Variants in RYR3 observed in about 807,000 individuals in gnomAD.
The protein encoded by RYR3 is brain ryanodine receptor-calcium release channel.
In RYR3, 207 loss-of-function variants were observed where a neutral mutation model predicts 584.3. The ratio of observed to expected loss-of-function variants is 0.35; its 90% confidence interval spans 0.32 to 0.40. RYR3 has a LOEUF of 0.40. RYR3 is among the 10% of genes least tolerant of loss of function. The pLI, the probability that RYR3 is intolerant of heterozygous loss-of-function variation, is 1.00. For missense variants in RYR3, 5,616 were observed against 6,089.2 expected (o/e 0.92, Z 2.59); for synonymous variants, 2,416 against 2,248.5 (o/e 1.07, Z -2.11).
Position 33,751,341 on chromosome 15 carries a change from G to A in RYR3, c.8399+1055G>A, listed in dbSNP as rs146442428. ...TTCCACAATGGTTGAACTAATTTAC[G>A]CTCCCACCAACAGTGTAAAAGTATT... On this transcript the variant is annotated intron_variant, in intron 57 of 103. Coordinates refer to ENST00000634891, the MANE Select transcript of RYR3 (RefSeq NM_001036.6). Among the ~76,000 whole-genome samples the A allele has an allele frequency of 2.9e-3, 434 of 152,102 alleles. 4 individuals are homozygous for A. Among genetic ancestry groups the A allele is most frequent in the African/African-American group, 5.4e-3 (223 of 41,506 alleles).
intron 1 of RYR3, among the ~76,000 whole-genome samples, chr15:33,399,034 G>A (rs948520475): frequency 6.6e-6 from 1 of 152,138 alleles, no homozygotes; most frequent in East Asian, 1.9e-4. Context: ...ATTTATACAA[G>A]GGCCAGGATT....
intron 72 of RYR3, 87 bp downstream of exon 72, chr15:33,811,124 T>G: frequency 1.8e-6 from 2 of 1,087,866 alleles, no homozygotes; most frequent in Non-Finnish European, 2.8e-6. Context: ...TACTCATGCT[T>G]CTTATATGTG....
intron 2 of RYR3, among the ~76,000 whole-genome samples, chr15:33,486,559 A>G (rs76255402): frequency 0.021 from 3,260 of 152,288 alleles, 54 homozygotes; most frequent in Non-Finnish European, 0.027. Context: ...ACACAAAACC[A>G]TATATCAGTA....
At position 33,436,248 on chromosome 15, in the gene RYR3, G is replaced by A. The variant is rs2442465; in HGVS notation, c.52-37171G>A. On this transcript the variant is annotated intron_variant, in intron 1 of 103. Coordinates refer to ENST00000634891, the MANE Select transcript of RYR3 (RefSeq NM_001036.6). The stretch of plus-strand genomic sequence containing the variant: ...GATTTCCTTTTTTTTCAAATCTGAT[G>A]GAGTGAAATAGTGTCACACTGTGTC... 6.8e-3 allele frequency among the ~76,000 whole-genome samples: 1,034 copies of A among 152,052 alleles called. 18 individuals are homozygous for A. Among genetic ancestry groups the A allele is most frequent in the African/African-American group, 0.023 (967 of 41,458 alleles).
intron 1 of RYR3, among the ~76,000 whole-genome samples, chr15:33,369,044 G>A (rs558827664): frequency 4.8e-4 from 73 of 152,234 alleles, no homozygotes; most frequent in Non-Finnish European, 7.4e-4. Flanking sequence ...CTGCTCAATC[G>A]TGACATATAT....
chr15:33,726,043 G>A (rs965868813), intron 45 of RYR3, among the ~76,000 whole-genome samples: 1 of 143,002 alleles, frequency 7.0e-6, no homozygotes, highest in Non-Finnish European at 1.5e-5. Context: ...CAACACTTCT[G>A]TCGTGGCCAC....
Position 33,390,509 on chromosome 15 carries a change from G to A in RYR3, c.51+79413G>A, listed in dbSNP as rs1051687219. On this transcript the variant is annotated intron_variant, in intron 1 of 103. Coordinates refer to ENST00000634891, the MANE Select transcript of RYR3 (RefSeq NM_001036.6). The surrounding 1 kb of genome is among the most constrained non-coding windows in gnomAD (Gnocchi z 4.2). The stretch of plus-strand genomic sequence containing the variant: ...TGATGCTGAAAATAGGGGAAAGTTC[G>A]ACGCATTTGTTTTCACGACTTCTTC... Among the ~76,000 whole-genome samples, 16 of 152,096 alleles carry A rather than the reference G, an allele frequency of 1.1e-4. No homozygotes were observed. The highest frequency in any genetic ancestry group is 3.6e-4 in the African/African-American group (15 of 41,402).
intron 93 of RYR3, among the ~76,000 whole-genome samples, chr15:33,845,705 TG>T (rs2078682017): frequency 6.6e-6 from 1 of 152,214 alleles, no homozygotes; most frequent in Non-Finnish European, 1.5e-5. Context: ...TAAAGTCACA[TG>T]GAGAGCTAGT....
intron 1 of RYR3, among the ~76,000 whole-genome samples, chr15:33,469,544 T>C (rs1384802563): frequency 6.6e-6 from 1 of 151,848 alleles, no homozygotes; most frequent in African/African-American, 2.4e-5. Context: ...GACTCAGAGA[T>C]ACGAGATAAT....
chr15:33,739,500 A>AC (rs1292098317), intron 50 of RYR3, among the ~76,000 whole-genome samples: 5 of 146,110 alleles, frequency 3.4e-5, no homozygotes, highest in Admixed American at 6.9e-5. Context: ...TCCTTAGCAG[A>AC]CAAGTTTATA....
rs1201964242 is a variant in RYR3 at position 33,636,843 on chromosome 15, T to C, written c.3556+293T>C. On this transcript the variant is annotated intron_variant, in intron 27 of 103. Coordinates refer to ENST00000634891, the MANE Select transcript of RYR3 (RefSeq NM_001036.6). ...TTTTAAGATTCTCCAGGTTTCCCAG[T>C]ATTACAAAGAAAACACTTATTGTAT... Among the ~76,000 whole-genome samples, 7 of 152,216 alleles carry C rather than the reference T, an allele frequency of 4.6e-5. No individual in the cohort carries two copies. The South Asian group carries it at 8.3e-4, about 18-fold the overall frequency.
intron 1 of RYR3, among the ~76,000 whole-genome samples, chr15:33,320,429 C>G (rs1488269225): frequency 1.3e-5 from 2 of 152,182 alleles, no homozygotes; most frequent in African/African-American, 4.8e-5. Context: ...TGACCAATTA[C>G]TCTCCACCCA....
chr15:33,740,780 G>A (rs1259435650), intron 51 of RYR3, among the ~76,000 whole-genome samples: 4 of 152,228 alleles, frequency 2.6e-5, no homozygotes, highest in African/African-American at 9.6e-5. Flanking sequence ...CATGGCAGTA[G>A]TTCTCAAATG....
chr15:33,451,892 C>A (rs2047162032), intron 1 of RYR3, among the ~76,000 whole-genome samples: 1 of 152,234 alleles, frequency 6.6e-6, no homozygotes, highest in Admixed American at 6.5e-5. Flanking sequence ...CAAAGCCATG[C>A]AGCCAGTGAA....
intron 52 of RYR3, among the ~76,000 whole-genome samples, chr15:33,742,683 A>G (rs887526688): frequency 1.3e-5 from 2 of 152,178 alleles, no homozygotes; most frequent in African/African-American, 4.8e-5. Context: ...GGAAGTGTTA[A>G]CTTCTTTCTT....
At chr15:33,591,430 A>G (rs1184901859) in intron 16 of RYR3, among the ~76,000 whole-genome samples, 1 of 149,488 alleles carries the variant, frequency 6.7e-6, no homozygotes, top group Non-Finnish European at 1.5e-5. Context: ...CATGGCAAGC[A>G]TTCATACATG....
chr15:33,648,968 G>A, intron 30 of RYR3, 104 bp from the exon 31 acceptor site: 1 of 1,130,700 alleles, frequency 8.8e-7, no homozygotes, highest in Non-Finnish European at 1.2e-6. Context: ...GAAAAAAAAG[G>A]GGGGGCCAAG....
chr15:33,650,237 C>T (rs567167019), intron 31 of RYR3, among the ~76,000 whole-genome samples: 2 of 152,166 alleles, frequency 1.3e-5, no homozygotes, highest in South Asian at 4.2e-4. Flanking sequence ...ATTAGCTGGG[C>T]GTGGTGGCGT....
intron 2 of RYR3, among the ~76,000 whole-genome samples, chr15:33,479,116 C>T (rs2049715412): frequency 6.7e-6 from 1 of 150,172 alleles, no homozygotes; most frequent in South Asian, 2.1e-4. Context: ...GAATAGTGTG[C>T]TATTGTTTGA....
Sources: allele counts gnomAD v4.1 joint callset (sites outside exome capture counted in the v4.1 genomes callset), GRCh38; gene constraint gnomAD v4.1.1; non-coding constraint Gnocchi (gnomAD v3.1); transcripts MANE v1.5; gene names NCBI Gene and HGNC (gene_info 2026-07-23, HGNC 2026-07-21).